WWOX: variants seen among roughly 807,000 people sequenced by gnomAD.
WWOX encodes the protein WW domain containing oxidoreductase.
A neutral mutation model predicts 46.2 loss-of-function variants in WWOX; 69 were observed. That is an observed-to-expected ratio of 1.49 (90% CI 1.23 to 1.82). The LOEUF is 1.82. WWOX is among the 40% of genes most tolerant of loss of function. WWOX has a pLI of 0.00. For synonymous variants in WWOX, 359 were observed against 202.6 expected (o/e 1.77, Z -6.56); for missense variants, 919 against 542.6 (o/e 1.69, Z -6.89).
At chr16:79,066,593 C>T (rs1374090085) in intron 8 of WWOX, among the ~76,000 whole-genome samples, 2 of 152,182 alleles carry the variant, frequency 1.3e-5, no homozygotes, top group African/African-American at 4.8e-5. Context: ...TGAAAGCTCA[C>T]CTCTTTACAG....
chr16:78,572,252 A>G (rs2044734089), intron 8 of WWOX, among the ~76,000 whole-genome samples: 1 of 152,202 alleles, frequency 6.6e-6, no homozygotes, highest in Non-Finnish European at 1.5e-5. Context: ...GGTGGATACC[A>G]GAACGTGCAT....
intron 4 of WWOX, among the ~76,000 whole-genome samples, chr16:78,145,321 C>A (rs1417676488): frequency 6.6e-6 from 1 of 152,122 alleles, no homozygotes; most frequent in Non-Finnish European, 1.5e-5. Context: ...AGTCCTCAAA[C>A]CTCAAAAATA....
chr16:78,766,226 G>C (rs988098908), intron 8 of WWOX, among the ~76,000 whole-genome samples: 2 of 152,204 alleles, frequency 1.3e-5, no homozygotes, highest in African/African-American at 4.8e-5. Context: ...ATTCCACCAG[G>C]TAAACTTGAA....
At chr16:78,147,129 G>A (rs2034225580) in intron 4 of WWOX, among the ~76,000 whole-genome samples, 1 of 151,428 alleles carries the variant, frequency 6.6e-6, no homozygotes, top group Non-Finnish European at 1.5e-5. Context: ...TAGTGATCTG[G>A]TTACATAGAT....
At chr16:78,814,438 C>A (rs952508668) in intron 8 of WWOX, among the ~76,000 whole-genome samples, 7 of 151,796 alleles carry the variant, frequency 4.6e-5, no homozygotes, top group African/African-American at 1.7e-4. Flanking sequence ...AATAAAACCA[C>A]TGTGTGATGA....
intron 5 of WWOX, among the ~76,000 whole-genome samples, chr16:78,265,593 G>A (rs994986556): frequency 2.0e-5 from 3 of 151,618 alleles, no homozygotes; most frequent in African/African-American, 7.3e-5. Flanking sequence ...CAGGAGAATT[G>A]CTTGAGTCTG....
At position 79,000,542 on chromosome 16, in the gene WWOX, A is replaced by G. The variant is rs144139981; in HGVS notation, c.1057-211066A>G. Among the ~76,000 whole-genome samples, 421 of 152,236 alleles carry G rather than the reference A, an allele frequency of 2.8e-3. 4 individuals carry two copies. The highest frequency in any genetic ancestry group is 9.5e-3 in the African/African-American group (395 of 41,532). ...GACTTGGCCTGATGTTACCAGCTTT[A>G]AAGAGGGAGGAAGCGTCCAGGAGCC... On this transcript the variant is annotated intron_variant, in intron 8 of 8. Coordinates refer to ENST00000566780, the MANE Select transcript of WWOX (RefSeq NM_016373.4).
intron 5 of WWOX, among the ~76,000 whole-genome samples, chr16:78,377,300 G>A (rs1266913127): frequency 1.3e-5 from 2 of 152,204 alleles, no homozygotes. Flanking sequence ...AACTAGAGCA[G>A]TCAAAAGTAA....
intron 8 of WWOX, among the ~76,000 whole-genome samples, chr16:78,909,522 C>T (rs1440942917): frequency 1.3e-5 from 2 of 152,192 alleles, no homozygotes; most frequent in South Asian, 2.1e-4. Flanking sequence ...CTAGGTCCCA[C>T]GTGCCTTCTG....
chr16:78,781,758 G>C (rs1377687065), intron 8 of WWOX, among the ~76,000 whole-genome samples: 1 of 152,152 alleles, frequency 6.6e-6, no homozygotes, highest in Non-Finnish European at 1.5e-5. Context: ...CTGGGCAACA[G>C]AGCGAGGCTC....
intron 5 of WWOX, among the ~76,000 whole-genome samples, chr16:78,230,769 G>A (rs1413812850): frequency 1.3e-5 from 2 of 152,216 alleles, no homozygotes; most frequent in East Asian, 3.9e-4. Flanking sequence ...GGAAGATAAA[G>A]CAGCTAGGAG....
In WWOX at chr16:79,030,489, C is replaced by G. The variant is rs149555962; in HGVS notation, c.1057-181119C>G. Among the ~76,000 whole-genome samples the G allele has an allele frequency of 4.2e-3, 635 of 152,280 alleles. 10 individuals are homozygous for G. The highest frequency in any genetic ancestry group is 0.015 in the African/African-American group (623 of 41,552). On this transcript the variant is annotated intron_variant, in intron 8 of 8. Transcript: ENST00000566780. ...CCATTAGCAGTGATGGCTTAAGGTT[C>G]CCACAGAAACTCTGCCACAGAGGCA...
At chr16:78,256,490 A>G (rs538678222) in intron 5 of WWOX, among the ~76,000 whole-genome samples, 1 of 152,026 alleles carries the variant, frequency 6.6e-6, no homozygotes, top group South Asian at 2.1e-4. Context: ...AGAGAAATGT[A>G]CTGGACTCAG....
chr16:79,032,755 C>T (rs1038281949), intron 8 of WWOX, among the ~76,000 whole-genome samples: 7 of 151,316 alleles, frequency 4.6e-5, no homozygotes, highest in Non-Finnish European at 1.0e-4. Flanking sequence ...CAGGGTTCTT[C>T]TTTTTTTAAA....
chr16:78,483,346 G>A (rs754641887), intron 8 of WWOX, among the ~76,000 whole-genome samples: 15 of 150,616 alleles, frequency 1.0e-4, no homozygotes, highest in Admixed American at 4.0e-4. Context: ...AAAGTCTCCC[G>A]TCTGCAGAAG....
chr16:79,176,905 TG>T (rs2050811257), intron 8 of WWOX, among the ~76,000 whole-genome samples: 1 of 152,184 alleles, frequency 6.6e-6, no homozygotes, highest in Admixed American at 6.5e-5. Flanking sequence ...AGGCCGACTT[TG>T]GCTCCCCTTC....
At chr16:78,195,840 A>G (rs141098607) in intron 5 of WWOX, among the ~76,000 whole-genome samples, 36 of 139,010 alleles carry the variant, frequency 2.6e-4, no homozygotes, top group Non-Finnish European at 5.0e-4. Flanking sequence ...AAAAAAAAAA[A>G]GAAAAAAAAA....
chr16:78,872,539 C>G (rs76966887), intron 8 of WWOX, among the ~76,000 whole-genome samples: 77 of 152,308 alleles, frequency 5.1e-4, no homozygotes, highest in African/African-American at 1.7e-3. Flanking sequence ...GCATTAATCA[C>G]TCTAAGCCTC....
chr16:78,604,405 C>T (rs532083882), intron 8 of WWOX, among the ~76,000 whole-genome samples: 11 of 152,130 alleles, frequency 7.2e-5, no homozygotes, highest in Admixed American at 2.0e-4. Context: ...TTCATGGAGC[C>T]CTTGTACCAA....
Sources: allele counts gnomAD v4.1 joint callset (sites outside exome capture counted in the v4.1 genomes callset), GRCh38; gene constraint gnomAD v4.1.1; transcripts MANE v1.5; gene names NCBI Gene and HGNC (gene_info 2026-07-23, HGNC 2026-07-21).